The following OFD1 variants were observed in gnomAD, a reference collection of about 807,000 sequenced individuals.
OFD1 encodes centriole and centriolar satellite protein OFD1.
A neutral mutation model predicts 81.4 loss-of-function variants in OFD1; 12 were observed. The ratio of observed to expected loss-of-function variants is 0.15; its 90% CI spans 0.09 to 0.24. OFD1 has a LOEUF of 0.24. OFD1 is among the 10% of genes least tolerant of loss of function. The pLI is 1.00. For synonymous variants in OFD1, 256 were observed against 263.7 expected (o/e 0.97, Z 0.28); for missense variants, 685 against 733.9 (o/e 0.93, Z 0.77).
the OFD1 span, among the ~76,000 whole-genome samples, chrX:13,715,342 G>A: frequency 2.7e-5 from 3 of 111,845 alleles, no homozygotes; most frequent in Admixed American, 1.9e-4. Context: ...GTGTGGTGGT[G>A]CACACTTGTG....
At chrX:13,764,291 T>C (rs1040879316) in intron 19 of OFD1, among the ~76,000 whole-genome samples, 1 of 112,506 alleles carries the variant, frequency 8.9e-6, no homozygotes, top group African/African-American at 3.2e-5. Flanking sequence ...ATTTAAATAT[T>C]ATTTATTTTT....
Position 13,753,758 on chromosome X carries a change from G to A in OFD1, c.1129+317G>A, listed in dbSNP as rs188494810. On this transcript the variant is annotated intron_variant, in intron 11 of 22. Transcript: ENST00000340096. ...CGTAGCAGCAACTTATTGCTGTCAA[G>A]TACGTATTACTCCTAACCATGAGAG... 1.8e-3 allele frequency among the ~76,000 whole-genome samples: 199 copies of A among 111,061 alleles called. 2 individuals carry two copies. The highest frequency in any genetic ancestry group is 1.6e-3 in the Non-Finnish European group (87 of 53,055).
At chrX:13,722,879 T>C in the OFD1 span, among the ~76,000 whole-genome samples, 18 of 110,990 alleles carry the variant, frequency 1.6e-4, no homozygotes, top group East Asian at 1.4e-3. Context: ...CTGGCTAACA[T>C]GGTGAAACCC....
chrX:13,732,110 C>T (rs1467202974), upstream of OFD1, among the ~76,000 whole-genome samples: 2 of 111,996 alleles, frequency 1.8e-5, 1 homozygote, highest in East Asian at 5.6e-4. Context: ...AAAAGCTAAT[C>T]AATTCTAGGT....
intron 5 of OFD1, among the ~76,000 whole-genome samples, chrX:13,742,134 C>T (rs1188646729): frequency 8.9e-6 from 1 of 112,083 alleles, no homozygotes; most frequent in African/African-American, 3.2e-5. Context: ...AAGACATATA[C>T]ATCAATGGGG....
At chrX:13,725,221 G>C in the OFD1 span, among the ~76,000 whole-genome samples, 2,052 of 113,132 alleles carry the variant, frequency 0.018, 40 homozygotes, top group African/African-American at 0.063. Flanking sequence ...AAACATCCCT[G>C]TCTGACAGCT....
the OFD1 span, among the ~76,000 whole-genome samples, chrX:13,728,679 C>G: frequency 8.9e-6 from 1 of 111,939 alleles, no homozygotes; most frequent in African/African-American, 3.3e-5. Context: ...CATTCCCTTT[C>G]AAAACTGGCA....
intron 5 of OFD1, among the ~76,000 whole-genome samples, chrX:13,741,390 T>C (rs1046888656): frequency 1.3e-4 from 14 of 111,929 alleles, no homozygotes. Context: ...ACAGAAAACA[T>C]GTAGGAAGAT....
At chrX:13,736,816 C>A in intron 3 of OFD1, 138 bp downstream of exon 3, 1 of 476,289 alleles carries the variant, frequency 2.1e-6, no homozygotes, top group Non-Finnish European at 3.7e-6. Context: ...ATTGTACCTG[C>A]ACATAATATA....
the OFD1 span, among the ~76,000 whole-genome samples, chrX:13,722,882 T>C: frequency 9.0e-6 from 1 of 110,741 alleles, no homozygotes; most frequent in Non-Finnish European, 1.9e-5. Context: ...GCTAACATGG[T>C]GAAACCCCAT....
the OFD1 span, chrX:13,716,258 C>G: frequency 1.6e-6 from 1 of 632,457 alleles, no homozygotes; most frequent in Non-Finnish European, 2.4e-6. Flanking sequence ...AGAACATAAG[C>G]TTTCAAAGTT....
chrX:13,715,425 A>G, the OFD1 span: 1 of 113,109 alleles, frequency 8.8e-6, no homozygotes, highest in African/African-American at 3.2e-5. Context: ...GTGAGCTGAG[A>G]TCACGCCACT....
At chrX:13,715,197 G>A in the OFD1 span, among the ~76,000 whole-genome samples, 1 of 113,101 alleles carries the variant, frequency 8.8e-6, no homozygotes, top group African/African-American at 3.2e-5. Context: ...TATGGGCCAG[G>A]CATGGTGGCT....
chrX:13,761,000 A>G (rs981774294), intron 16 of OFD1, 85 bp from the exon 17 acceptor site: 65 of 1,110,659 alleles, frequency 5.9e-5, no homozygotes, highest in South Asian at 4.0e-4. Flanking sequence ...TTTATTTTCA[A>G]ACTAGTAGAG....
At chrX:13,739,054 G>C in intron 5 of OFD1, 22 bp downstream of exon 5, 4 of 1,187,247 alleles carry the variant, frequency 3.4e-6, no homozygotes, top group Non-Finnish European at 4.6e-6. Flanking sequence ...CATCTTTGTA[G>C]AGAACAGCAA....
rs1265944582 is a variant in OFD1 at position 13,738,218 on chromosome X, GTCAA to G, written c.313-626_313-623del. On this transcript the variant is annotated intron_variant, in intron 3 of 22. Transcript: ENST00000340096. ...TTATACTTTTACTTATTGTGTAATA[GTCAA>G]TAATACAATTATATAGCAGGAATTA... 5.2e-4 allele frequency among the ~76,000 whole-genome samples: 58 copies of G among 112,216 alleles called. 1 individual carries two copies. The highest frequency in any genetic ancestry group is 4.7e-4 in the Admixed American group (5 of 10,594).
At chrX:13,742,214 C>G (rs1363396256) in intron 5 of OFD1, among the ~76,000 whole-genome samples, 2 of 111,623 alleles carry the variant, frequency 1.8e-5, no homozygotes, top group East Asian at 5.6e-4. Context: ...AACAAAGGTG[C>G]AAAGGCAATT....
At chrX:13,740,865 G>C (rs1363534602) in intron 5 of OFD1, among the ~76,000 whole-genome samples, 1 of 110,086 alleles carries the variant, frequency 9.1e-6, no homozygotes, top group South Asian at 3.8e-4. Flanking sequence ...ATGGCCGGGC[G>C]CAGTGGCTCA....
intron 16 of OFD1, 27 bp downstream of exon 16, chrX:13,760,747 G>C (rs1240303079): frequency 4.1e-6 from 5 of 1,208,128 alleles, no homozygotes; most frequent in African/African-American, 3.5e-5. Flanking sequence ...AAGGGTTGCG[G>C]GGTGCTCTGG....
Sources: gnomAD v4.1 joint callset for allele counts (sites outside exome capture counted in the v4.1 genomes callset) on GRCh38, gnomAD v4.1.1 for gene constraint, MANE v1.5 for transcripts, NCBI Gene and HGNC (gene_info 2026-07-23, HGNC 2026-07-21) for gene names.